DMD: variants seen among roughly 807,000 people sequenced by gnomAD.
DMD encodes the protein dystrophin, also known as mutant dystrophin.
In DMD, 63 loss-of-function variants were observed where a neutral mutation model predicts 330.1. The observed-to-expected ratio is 0.19, with a 90% CI of 0.16 to 0.24. The LOEUF is 0.24. Among genes scored for constraint, DMD ranks in the 10% least tolerant of loss-of-function variants. DMD has a pLI of 1.00. For synonymous variants in DMD, 1,223 were observed against 959.8 expected, an observed-to-expected ratio of 1.27 and a Z score of -5.07; for missense variants, 3,344 against 2,684.1, an observed-to-expected ratio of 1.25 and a Z score of -5.43.
chrX:32,772,326 T>C (rs1308337731), intron 7 of DMD, among the ~76,000 whole-genome samples: 8 of 112,870 alleles, frequency 7.1e-5, no homozygotes, highest in African/African-American at 2.6e-4. Context: ...AGTAGAATTC[T>C]ACATCTCCCT....
At chrX:33,028,754 T>TATTATCTATGTGTGTGC (rs368309419) in intron 1 of DMD, among the ~76,000 whole-genome samples, 4 of 112,405 alleles carry the variant, frequency 3.6e-5, no homozygotes, top group African/African-American at 1.3e-4. Flanking sequence ...TGCATATGTG[T>TATTATCTATGTGTGTGC]TACACACATA....
intron 11 of DMD, among the ~76,000 whole-genome samples, chrX:32,624,265 C>A (rs12557778): frequency 9.0e-6 from 1 of 110,847 alleles, no homozygotes; most frequent in Non-Finnish European, 1.9e-5. Flanking sequence ...AATAGAGAGC[C>A]GAGGGAGTGG....
intron 19 of DMD, among the ~76,000 whole-genome samples, chrX:32,495,899 G>C (rs895335694): frequency 9.0e-6 from 1 of 111,520 alleles, no homozygotes; most frequent in African/African-American, 3.3e-5. Context: ...GGCATTATGA[G>C]CAATACTTAT....
chrX:31,253,400 G>A (rs970954598), intron 63 of DMD, among the ~76,000 whole-genome samples: 1 of 111,461 alleles, frequency 9.0e-6, no homozygotes, highest in Non-Finnish European at 1.9e-5. Flanking sequence ...AATATGCTGA[G>A]AAAAGCATTA....
chrX:32,518,249 C>T lies in DMD; in HGVS notation c.2169-118G>A, dbSNP rs774765924. On this transcript the variant is annotated intron_variant, in intron 17 of 78. Transcript: ENST00000357033. Reference sequence around the variant, plus strand: ...TCAATCTGAGACTCCTGCCTGACACCTCTATTAGTATTAATAGCAGCACTA... The same window carrying T: ...TCAATCTGAGACTCCTGCCTGACACTTCTATTAGTATTAATAGCAGCACTA... 18 of 723,763 alleles carry T rather than the reference C, an allele frequency of 2.5e-5. No homozygotes were observed. The South Asian group carries it at 4.1e-4, about 16-fold the overall frequency. The allele number at this position is 723,763 out of a possible 1,213,427, so 59.6% of individuals were successfully genotyped here. A position where few individuals can be genotyped will look rare whatever the true frequency, so the allele number is the denominator to read the frequency against.
chrX:32,877,884 C>G (rs779409960), intron 2 of DMD, among the ~76,000 whole-genome samples: 1 of 111,755 alleles, frequency 8.9e-6, no homozygotes, highest in Non-Finnish European at 1.9e-5. Context: ...ACTTTGCCTG[C>G]GATTGCTCCT....
Position 32,180,802 on chromosome X carries a change from A to ACAAT in DMD, c.6438+36110_6438+36113dup, listed in dbSNP as rs756824237. 2.7e-3 allele frequency among the ~76,000 whole-genome samples: 298 copies of ACAAT among 111,077 alleles called. 2 individuals carry two copies. The highest frequency in any genetic ancestry group is 9.3e-3 in the African/African-American group (283 of 30,558). ...TGAAGCAGGAAGAGCCCCTTATAAA[A>ACAAT]CAATCAGATCTTGTGAGAACTCACT... On this transcript the variant is annotated intron_variant, in intron 44 of 78. Transcript: ENST00000357033.
intron 48 of DMD, among the ~76,000 whole-genome samples, chrX:31,847,702 C>G (rs2093451545): frequency 9.0e-6 from 1 of 111,465 alleles, no homozygotes; most frequent in Admixed American, 9.5e-5. Context: ...AGAAACAACT[C>G]CAAAGAAACC....
intron 63 of DMD, among the ~76,000 whole-genome samples, chrX:31,234,851 T>A (rs1262422546): frequency 4.5e-5 from 5 of 111,102 alleles, no homozygotes; most frequent in Admixed American, 9.6e-5. Context: ...GAATACAGCA[T>A]GGACAAGTGG....
chrX:31,192,264 T>C (rs2042447775), intron 67 of DMD, among the ~76,000 whole-genome samples: 1 of 112,136 alleles, frequency 8.9e-6, no homozygotes, highest in African/African-American at 3.2e-5. Context: ...TATAAAACTA[T>C]ACAAAACCTG....
At chrX:31,800,353 C>A (rs2092005397) in intron 50 of DMD, among the ~76,000 whole-genome samples, 1 of 112,701 alleles carries the variant, frequency 8.9e-6, no homozygotes, top group South Asian at 3.6e-4. Flanking sequence ...AGGCCCAACA[C>A]CACATGTAAG....
rs369222073 is a variant in DMD, at chrX:32,563,951, T to C, written c.1992+1751A>G. On this transcript the variant is annotated intron_variant, in intron 16 of 78. Coordinates refer to ENST00000357033, the MANE Select transcript of DMD (RefSeq NM_004006.3). Reference sequence around the variant, plus strand: ...CACAGGGGTTTGCTTACCAATTATTTCATCACCCAGGTATTAAGCCCAGTA... The same window carrying C: ...CACAGGGGTTTGCTTACCAATTATTCCATCACCCAGGTATTAAGCCCAGTA... Among the ~76,000 whole-genome samples, 111 of 111,653 alleles carry C rather than the reference T, an allele frequency of 9.9e-4. 1 individual carries two copies. Among genetic ancestry groups the C allele is most frequent in the African/African-American group, 3.4e-3 (104 of 30,685 alleles).
intron 7 of DMD, among the ~76,000 whole-genome samples, chrX:32,715,469 C>CAAAAAAAAAAA (rs61325834): frequency 2.9e-4 from 5 of 17,216 alleles, no homozygotes; most frequent in African/African-American, 5.0e-4. Flanking sequence ...GAGATTCCAT[C>CAAAAAAAAAAA]AAAAAAAAAA....
chrX:31,554,831 T>C (rs776009908), intron 55 of DMD, among the ~76,000 whole-genome samples: 6 of 111,752 alleles, frequency 5.4e-5, no homozygotes, highest in African/African-American at 1.3e-4. Flanking sequence ...TCATGGGCAA[T>C]TGAAATACCA....
At chrX:32,554,144 G>T (rs1173080571) in intron 16 of DMD, among the ~76,000 whole-genome samples, 1 of 112,152 alleles carries the variant, frequency 8.9e-6, no homozygotes, top group Non-Finnish European at 1.9e-5. Flanking sequence ...GCAGTGTTAA[G>T]AGGGAAATTT....
intron 44 of DMD, among the ~76,000 whole-genome samples, chrX:32,102,604 T>C (rs2096545379): frequency 9.0e-6 from 1 of 111,485 alleles, no homozygotes; most frequent in East Asian, 2.8e-4. Context: ...AAATATGACA[T>C]GAATTTAGAA....
intron 55 of DMD, among the ~76,000 whole-genome samples, chrX:31,551,887 A>G (rs2074505774): frequency 8.9e-6 from 1 of 112,041 alleles, no homozygotes; most frequent in Non-Finnish European, 1.9e-5. Flanking sequence ...CAGAGAAGAA[A>G]TTTCCCTAAA....
chrX:31,627,805 G>A lies in DMD; in HGVS notation c.8085C>T (p.Pro2695=), dbSNP rs1400319383. The change falls in exon 55 of 79, where the codon CCC becomes CCT. Residue 2695 remains proline (P), a synonymous_variant. Coordinates refer to ENST00000357033, the MANE Select transcript of DMD (RefSeq NM_004006.3). ...AGGCAAGAAACTTTTCCAGGTCCAG[G>A]GGGAACTGTTGCAGTAATCTATGAG... ...EETHRLLQQF[P]LDLEKFLAWL... The A allele has an allele frequency of 8.3e-7, 1 of 1,210,822 alleles. No homozygotes were observed. The highest frequency in any genetic ancestry group is 1.1e-6 in the Non-Finnish European group (1 of 895,128).
chrX:32,825,642 G>A (rs377267215), intron 4 of DMD, among the ~76,000 whole-genome samples: 1 of 112,036 alleles, frequency 8.9e-6, no homozygotes, highest in East Asian at 2.8e-4. Context: ...CAGATAAATG[G>A]ATAAACAAAA....
Sources: gnomAD v4.1 joint callset for allele counts (sites outside exome capture counted in the v4.1 genomes callset) on GRCh38, gnomAD v4.1.1 for gene constraint, MANE v1.5 for transcripts, NCBI Gene and HGNC (gene_info 2026-07-23, HGNC 2026-07-21) for gene names.